PRKAR1B: variants seen among roughly 807,000 people sequenced by gnomAD.
PRKAR1B encodes the protein protein kinase cAMP-dependent type I regulatory subunit beta.
A neutral mutation model predicts 46.5 loss-of-function variants in PRKAR1B; 22 were observed. The observed-to-expected ratio is 0.47, with a 90% confidence interval of 0.34 to 0.68. The LOEUF is 0.68. PRKAR1B is among the 30% of genes least tolerant of loss of function. The pLI is 0.01. For missense variants in PRKAR1B, 445 were observed against 535.6 expected, an observed-to-expected ratio of 0.83 and a Z score of 1.67; for synonymous variants, 259 against 217.7, an observed-to-expected ratio of 1.19 and a Z score of -1.67.
chr7:648,357 A>C (rs910627984), intron 4 of PRKAR1B, among the ~76,000 whole-genome samples: 7 of 152,140 alleles, frequency 4.6e-5, no homozygotes, highest in Admixed American at 6.6e-5. Context: ...CACGTCTGTC[A>C]TCCCAGCACT....
chr7:573,024 G>A (rs1332478100), intron 9 of PRKAR1B, among the ~76,000 whole-genome samples: 1 of 152,118 alleles, frequency 6.6e-6, no homozygotes, highest in Admixed American at 6.5e-5. Context: ...CCGCCCCACC[G>A]GCCGGGCCCC....
At chr7:674,873 G>C (rs895176284) in intron 4 of PRKAR1B, among the ~76,000 whole-genome samples, 2 of 152,206 alleles carry the variant, frequency 1.3e-5, no homozygotes, top group African/African-American at 4.8e-5. Flanking sequence ...CACATGCTCT[G>C]GATAAGATAG....
intron 4 of PRKAR1B, among the ~76,000 whole-genome samples, chr7:665,600 A>C (rs2128498340): frequency 6.6e-6 from 1 of 152,360 alleles, no homozygotes; most frequent in East Asian, 1.9e-4. Flanking sequence ...CTGCAAATGG[A>C]AATCAAATTC....
upstream of PRKAR1B, among the ~76,000 whole-genome samples, chr7:728,168 C>T (rs1190723841): frequency 6.6e-6 from 1 of 152,144 alleles, no homozygotes; most frequent in Non-Finnish European, 1.5e-5. Flanking sequence ...CTTAGCTGGC[C>T]ATTCCTGCAG....
chr7:721,901 C>A (rs116290336), intron 1 of PRKAR1B, among the ~76,000 whole-genome samples: 1,635 of 152,198 alleles, frequency 0.011, 30 homozygotes, highest in African/African-American at 0.037. Context: ...TTCATTCAAA[C>A]TGGTGTTCCT....
In PRKAR1B at chr7:679,198, T is replaced by C. The variant is rs193101630; in HGVS notation, c.348+1358A>G. Reference sequence around the variant, plus strand: ...TCCCTGATGTTACTACCTTACATCCTATGATGCATTTATCACAACTGGGGA... The same window carrying C: ...TCCCTGATGTTACTACCTTACATCCCATGATGCATTTATCACAACTGGGGA... On this transcript the variant is annotated intron_variant, in intron 3 of 10. Coordinates refer to ENST00000537384, the MANE Select transcript of PRKAR1B (RefSeq NM_001164760.2). Among the ~76,000 whole-genome samples, 9 of 152,386 alleles carry C rather than the reference T, an allele frequency of 5.9e-5. No homozygotes were observed. In the East Asian group the frequency reaches 1.7e-3, roughly 29 times the overall value.
chr7:703,023 T>C (rs1583441758), intron 2 of PRKAR1B, among the ~76,000 whole-genome samples: 1 of 152,064 alleles, frequency 6.6e-6, no homozygotes, highest in East Asian at 1.9e-4. Flanking sequence ...GTATATGCTA[T>C]CTATAAGACA....
chr7:727,450 C>A (rs1583468893), upstream of PRKAR1B: 1 of 361,578 alleles, frequency 2.8e-6, no homozygotes, highest in East Asian at 4.7e-5. Context: ...ATCCCGGACC[C>A]CCCATGCGCC....
intron 6 of PRKAR1B, among the ~76,000 whole-genome samples, chr7:596,865 C>T (rs1267655648): frequency 1.3e-5 from 2 of 152,268 alleles, no homozygotes; most frequent in East Asian, 1.9e-4. Context: ...CCTCTCCTGC[C>T]AGGGCCTCCC....
chr7:588,609 ATGG>A (rs1164341007), intron 7 of PRKAR1B, among the ~76,000 whole-genome samples: 5 of 122,908 alleles, frequency 4.1e-5, no homozygotes, highest in East Asian at 2.1e-4. Context: ...GGTGATGGTG[ATGG>A]TGGTGATGGT....
chr7:579,470 C>G (rs902227223), intron 8 of PRKAR1B, 93 bp from the exon 9 acceptor site: 5 of 1,515,542 alleles, frequency 3.3e-6, no homozygotes, highest in Admixed American at 1.9e-5. Flanking sequence ...CGAAAGGTGT[C>G]CTCAGAAGCA....
intron 1 of PRKAR1B, among the ~76,000 whole-genome samples, chr7:722,960 G>A (rs536627443): frequency 3.3e-5 from 5 of 152,308 alleles, no homozygotes; most frequent in East Asian, 3.9e-4. Flanking sequence ...CCCTGGCACT[G>A]CCCTCCTCGT....
chr7:718,255 T>TAC (rs35563369), intron 1 of PRKAR1B, among the ~76,000 whole-genome samples: 3,256 of 139,948 alleles, frequency 0.023, 51 homozygotes, highest in East Asian at 0.043. Context: ...GCTTTATAGA[T>TAC]ACACACACAC....
intron 2 of PRKAR1B, among the ~76,000 whole-genome samples, chr7:688,374 A>G (rs1437406170): frequency 6.6e-6 from 1 of 151,378 alleles, no homozygotes; most frequent in African/African-American, 2.4e-5. Flanking sequence ...ACTGCACTCC[A>G]GCCTGGGCAA....
At position 677,279 on chromosome 7, in the gene PRKAR1B, C is replaced by T; in HGVS notation, c.390G>A (p.Lys130=). 1.2e-6 allele frequency: 2 copies of T among 1,614,268 alleles called. No homozygotes were observed. The highest frequency in any genetic ancestry group is 1.7e-6 in the Non-Finnish European group (2 of 1,180,048). Residue 130 remains lysine (K), a synonymous_variant, in exon 4 of 11, where the codon AAG becomes AAA. Coordinates refer to ENST00000537384, the MANE Select transcript of PRKAR1B (RefSeq NM_001164760.2). ...CGAAGAGCACGTTCTTGGAGATGGC[C>T]TTGGCCAGCGCAGTCATGGTTTTGT... is the stretch of plus-strand genomic sequence containing the variant. ...KDYKTMTALA[K]AISKNVLFAH...
rs1562509767 is a variant in PRKAR1B at position 550,245 on chromosome 7, T to C, written c.*185A>G. The C allele has an allele frequency of 3.4e-6, 2 of 594,570 alleles. No individual in the cohort carries two copies. Among genetic ancestry groups the C allele is most frequent in the South Asian group, 2.0e-5 (1 of 49,832 alleles). 36.8% of individuals were successfully genotyped at this position (594,570 alleles called of 1,614,324 possible). Reference sequence around the variant, plus strand: ...TGCATTTTGTCCGCTTGTCCTTTGATTTGGAAATGCACAAGGTGATCATTT... The same window carrying C: ...TGCATTTTGTCCGCTTGTCCTTTGACTTGGAAATGCACAAGGTGATCATTT... On this transcript the variant is annotated 3_prime_UTR_variant, in exon 11 of 11. Transcript: ENST00000537384.
At chr7:718,863 CTTT>C (rs1165723435) in intron 1 of PRKAR1B, among the ~76,000 whole-genome samples, 1 of 73,840 alleles carries the variant, frequency 1.4e-5, no homozygotes, top group Admixed American at 2.0e-4. Flanking sequence ...CTTTTATAGG[CTTT>C]TTTTTTTTTT....
intron 4 of PRKAR1B, among the ~76,000 whole-genome samples, chr7:670,188 G>A (rs71536301): frequency 0.069 from 10,541 of 152,152 alleles, 551 homozygotes; most frequent in Middle Eastern, 0.18. Flanking sequence ...TTTTTTTAGG[G>A]TTTGGATGTA....
intron 9 of PRKAR1B, among the ~76,000 whole-genome samples, chr7:566,058 C>T (rs1418883853): frequency 6.6e-6 from 1 of 152,118 alleles, no homozygotes; most frequent in African/African-American, 2.4e-5. Flanking sequence ...ACCTCAGAGA[C>T]TCGTAAGGAT....
Sources: gnomAD v4.1 joint callset for allele counts (sites outside exome capture counted in the v4.1 genomes callset) on GRCh38, gnomAD v4.1.1 for gene constraint, MANE v1.5 for transcripts, NCBI Gene and HGNC (gene_info 2026-07-23, HGNC 2026-07-21) for gene names.